The following SPPL3 variants were observed in gnomAD, a reference collection of about 807,000 sequenced individuals.
SPPL3 encodes the protein signal peptide peptidase-like 3.
SPPL3 carries 5 observed loss-of-function variants against 42.4 expected under a neutral mutation model. The observed-to-expected ratio is 0.12, with a 90% CI of 0.06 to 0.25. The LOEUF (loss-of-function observed/expected upper bound fraction) is 0.25. Among genes scored for constraint, SPPL3 ranks in the 10% least tolerant of loss-of-function variants. SPPL3 has a pLI of 1.00. For missense variants in SPPL3, 235 were observed against 489.0 expected (o/e 0.48, Z 4.90); for synonymous variants, 195 against 181.8 (o/e 1.07, Z -0.58).
rs566758315 is a variant in SPPL3, at chr12:120,802,608, A to AT, written c.101+8200dup. The stretch of plus-strand genomic sequence containing the variant: ...ATCAACACGCCTGGCTAATTTTTGT[A>AT]TTTTGAGTAGAGATGGAGTTTCACC... On this transcript the variant is annotated intron_variant, in intron 2 of 10. Coordinates refer to ENST00000353487, the MANE Select transcript of SPPL3 (RefSeq NM_139015.5). Among the ~76,000 whole-genome samples, 18 of 151,176 alleles carry AT rather than the reference A, an allele frequency of 1.2e-4. No individual in the cohort carries two copies. The East Asian group carries it at 3.3e-3, about 28-fold the overall frequency.
At chr12:120,781,526 A>G (rs2136977227) in intron 6 of SPPL3, among the ~76,000 whole-genome samples, 1 of 144,824 alleles carries the variant, frequency 6.9e-6, no homozygotes, top group Admixed American at 6.9e-5. Flanking sequence ...GCATTATATT[A>G]CAGTCTAATC....
chr12:120,804,172 T>C lies in SPPL3; in HGVS notation c.101+6637A>G, dbSNP rs552564856. Among the ~76,000 whole-genome samples the C allele has an allele frequency of 2.6e-5, 4 of 152,300 alleles. No homozygotes were observed. In the East Asian group the frequency reaches 7.7e-4, roughly 29 times the overall value. On this transcript the variant is annotated intron_variant, in intron 2 of 10. Coordinates refer to ENST00000353487, the MANE Select transcript of SPPL3 (RefSeq NM_139015.5). ...CCTTTACAAAAAAGGAACTAGTTAC[T>C]CTTGAGTTATAATACAAATGACCAA...
intron 1 of SPPL3, among the ~76,000 whole-genome samples, chr12:120,869,901 A>G (rs1447260108): frequency 6.6e-6 from 1 of 152,228 alleles, no homozygotes; most frequent in African/African-American, 2.4e-5. Flanking sequence ...CTGAGAATCC[A>G]AAAATAGGAA....
At chr12:120,797,478 G>A (rs1291388147) in intron 2 of SPPL3, among the ~76,000 whole-genome samples, 2 of 152,096 alleles carry the variant, frequency 1.3e-5, no homozygotes. Context: ...CTTGAAAACT[G>A]CTGTGTTATG....
chr12:120,802,431 A>T (rs78568321), intron 2 of SPPL3, among the ~76,000 whole-genome samples: 17,135 of 103,962 alleles, frequency 0.16, 1,717 homozygotes, highest in South Asian at 0.22. Flanking sequence ...ATATATATAT[A>T]TTTTTTTTTT....
intron 1 of SPPL3, among the ~76,000 whole-genome samples, chr12:120,836,212 C>CAACTT (rs1871613573): frequency 6.6e-6 from 1 of 151,850 alleles, no homozygotes; most frequent in South Asian, 2.1e-4. Context: ...TGAATCTGGG[C>CAACTT]TATCCTTGCA....
intron 1 of SPPL3, among the ~76,000 whole-genome samples, chr12:120,838,980 C>T (rs925711552): frequency 6.6e-6 from 1 of 152,030 alleles, no homozygotes; most frequent in African/African-American, 2.4e-5. Flanking sequence ...ACTAGAAATA[C>T]CATTTGACCC....
At chr12:120,842,998 T>C (rs957200416) in intron 1 of SPPL3, among the ~76,000 whole-genome samples, 3 of 152,192 alleles carry the variant, frequency 2.0e-5, no homozygotes, top group African/African-American at 7.2e-5. Flanking sequence ...TTTTGCACTA[T>C]TTCTAGGTTG....
intron 8 of SPPL3, 115 bp from the exon 9 acceptor site, chr12:120,767,708 T>TAA: frequency 1.2e-5 from 12 of 1,015,660 alleles, no homozygotes; most frequent in East Asian, 2.6e-5. Context: ...GCATGGCAGA[T>TAA]GGAAATCTCT....
chr12:120,805,280 A>G (rs1262751197), intron 2 of SPPL3, among the ~76,000 whole-genome samples: 1 of 152,222 alleles, frequency 6.6e-6, no homozygotes, highest in South Asian at 2.1e-4. Flanking sequence ...AATGGACAAA[A>G]ACCACAGGAT....
At chr12:120,776,764 T>C (rs998723166) in intron 6 of SPPL3, among the ~76,000 whole-genome samples, 3 of 152,144 alleles carry the variant, frequency 2.0e-5, no homozygotes, top group Non-Finnish European at 4.4e-5. Context: ...AATAGTATCA[T>C]GTGTGTCTGG....
At chr12:120,785,914 C>CA (rs11307959) in intron 3 of SPPL3, among the ~76,000 whole-genome samples, 12,421 of 85,402 alleles carry the variant, frequency 0.15, 849 homozygotes, top group Non-Finnish European at 0.22. Context: ...GAGTCCAAGG[C>CA]AAAAAAAAAA....
intron 1 of SPPL3, among the ~76,000 whole-genome samples, chr12:120,838,447 G>A (rs1217811401): frequency 6.6e-6 from 1 of 152,192 alleles, no homozygotes; most frequent in Non-Finnish European, 1.5e-5. Context: ...AGATCAATCA[G>A]GGGCCAAGAA....
In SPPL3 at chr12:120,766,256, C is replaced by T. The variant is rs747469870; in HGVS notation, c.1083+7G>A. 3.2e-6 allele frequency: 5 copies of T among 1,567,100 alleles called. No individual in the cohort carries two copies. The highest frequency in any genetic ancestry group is 1.3e-5 in the African/African-American group (1 of 74,524). ...TGCTTTCACAGGTTTATAACTGCTG[C>T]TCTCACCTTTAAATAGGCCATCGTG... On this transcript the variant is annotated splice_region_variant and intron_variant, in intron 10 of 10. Coordinates refer to ENST00000353487, the MANE Select transcript of SPPL3 (RefSeq NM_139015.5).
At chr12:120,771,075 T>A (rs1056079164) in intron 6 of SPPL3, among the ~76,000 whole-genome samples, 10 of 152,312 alleles carry the variant, frequency 6.6e-5, no homozygotes, top group Admixed American at 2.0e-4. Context: ...TGCAATGACC[T>A]CCTCCCTGGC....
chr12:120,824,082 G>T (rs559198036), intron 1 of SPPL3, among the ~76,000 whole-genome samples: 1 of 152,156 alleles, frequency 6.6e-6, no homozygotes, highest in African/African-American at 2.4e-5. Context: ...GTGTTAGCCA[G>T]GATGGTCTCG....
At chr12:120,827,418 T>C (rs905001997) in intron 1 of SPPL3, among the ~76,000 whole-genome samples, 2 of 151,734 alleles carry the variant, frequency 1.3e-5, no homozygotes, top group Non-Finnish European at 2.9e-5. Context: ...ACTGAGTTGC[T>C]AGACTTCATA....
intron 1 of SPPL3, among the ~76,000 whole-genome samples, chr12:120,827,199 TATATA>T (rs1871252660): frequency 1.3e-5 from 2 of 151,920 alleles, no homozygotes; most frequent in Admixed American, 6.6e-5. Flanking sequence ...TGAACTTCTT[TATATA>T]ATAAACATGA....
intron 2 of SPPL3, among the ~76,000 whole-genome samples, chr12:120,802,335 A>ATG (rs1566045964): frequency 2.7e-5 from 4 of 147,412 alleles, no homozygotes; most frequent in African/African-American, 1.0e-4. Flanking sequence ...CTGCTTTTAT[A>ATG]TATGTATGTA....
Sources: gnomAD v4.1 joint callset for allele counts (sites outside exome capture counted in the v4.1 genomes callset) on GRCh38, gnomAD v4.1.1 for gene constraint, MANE v1.5 for transcripts, NCBI Gene and HGNC (gene_info 2026-07-23, HGNC 2026-07-21) for gene names.